Variants in SLC35F4 observed in about 807,000 individuals in gnomAD.
SLC35F4 encodes the protein chromosome 14 open reading frame 36.
A neutral mutation model predicts 44.2 loss-of-function variants in SLC35F4; 24 were observed. The ratio of observed to expected loss-of-function variants is 0.54; its 90% CI spans 0.39 to 0.76. The LOEUF (loss-of-function observed/expected upper bound fraction) is 0.76. Ranked by LOEUF, SLC35F4 falls within the 30% of genes least tolerant of loss-of-function variation. The pLI is 0.00. For synonymous variants in SLC35F4, 238 were observed against 223.6 expected (o/e 1.06, Z -0.57); for missense variants, 562 against 586.1 (o/e 0.96, Z 0.42).
chr14:57,745,748 G>A (rs1452565185), intron 1 of SLC35F4, among the ~76,000 whole-genome samples: 1 of 152,144 alleles, frequency 6.6e-6, no homozygotes, highest in African/African-American at 2.4e-5. Flanking sequence ...ATACCCAAAG[G>A]ATTATAAATC....
intron 1 of SLC35F4, among the ~76,000 whole-genome samples, chr14:57,900,728 G>A (rs912651596): frequency 1.3e-5 from 2 of 152,142 alleles, no homozygotes; most frequent in African/African-American, 2.4e-5. Flanking sequence ...TATCATCGGA[G>A]TGAACAGGAA....
intron 1 of SLC35F4, among the ~76,000 whole-genome samples, chr14:57,649,049 G>A (rs1447628039): frequency 6.6e-6 from 1 of 152,090 alleles, no homozygotes; most frequent in African/African-American, 2.4e-5. Context: ...TCTTTCAAGT[G>A]GCACTTAAGA....
intron 1 of SLC35F4, among the ~76,000 whole-genome samples, chr14:57,715,624 T>A (rs756601674): frequency 6.6e-6 from 1 of 152,174 alleles, no homozygotes; most frequent in Non-Finnish European, 1.5e-5. Context: ...GTTTTTGAAG[T>A]TAAGGTAGCC....
At chr14:57,871,037 C>T (rs950604051), upstream of SLC35F4, among the ~76,000 whole-genome samples, 1 of 152,146 alleles carries the variant, frequency 6.6e-6, no homozygotes, top group Non-Finnish European at 1.5e-5. Context: ...GCTGTTAATC[C>T]CCAGGTGTGG....
chr14:57,630,177 C>G (rs1340993252), intron 1 of SLC35F4: 2 of 561,676 alleles, frequency 3.6e-6, no homozygotes, highest in Non-Finnish European at 7.1e-6. Flanking sequence ...TCAGAAGACA[C>G]TAAATCAGAT....
intron 1 of SLC35F4, among the ~76,000 whole-genome samples, chr14:57,814,671 G>C (rs982746746): frequency 1.1e-4 from 17 of 152,170 alleles, no homozygotes; most frequent in African/African-American, 4.1e-4. Context: ...TGCAATGTGT[G>C]CCATTACTCT....
chr14:57,737,647 G>C (rs566223592), intron 1 of SLC35F4, among the ~76,000 whole-genome samples: 1 of 152,186 alleles, frequency 6.6e-6, no homozygotes, highest in East Asian at 1.9e-4. Context: ...CTCAGATTCT[G>C]ACATATCCTC....
chr14:57,599,283 G>A (rs1458632349), intron 1 of SLC35F4, among the ~76,000 whole-genome samples: 4 of 152,184 alleles, frequency 2.6e-5, no homozygotes, highest in Non-Finnish European at 4.4e-5. Context: ...AGGGCCATAG[G>A]GCAGTGGCTC....
At chr14:57,683,416 C>T (rs1277882681) in intron 1 of SLC35F4, among the ~76,000 whole-genome samples, 1 of 152,106 alleles carries the variant, frequency 6.6e-6, no homozygotes, top group Non-Finnish European at 1.5e-5. Flanking sequence ...TTAGCAACAT[C>T]TAAGAGCCAG....
chr14:57,749,702 C>A (rs971619711), intron 1 of SLC35F4, among the ~76,000 whole-genome samples: 5 of 152,134 alleles, frequency 3.3e-5, no homozygotes, highest in Admixed American at 6.5e-5. Flanking sequence ...GGGGACTTAT[C>A]AAGGTGTCCT....
chr14:57,617,200 G>A lies in SLC35F4; in HGVS notation c.104-23076C>T, dbSNP rs1215120873. Among the ~76,000 whole-genome samples the A allele has an allele frequency of 3.8e-5, 5 of 131,512 alleles. No homozygotes were observed. In the South Asian group the frequency reaches 7.4e-4, roughly 20 times the overall value. The allele number at this position is 131,512 out of a possible 152,430, so 86.3% of individuals were successfully genotyped here. A position where few individuals can be genotyped will look rare whatever the true frequency, so the allele number is the denominator to read the frequency against. ...GGCTGGAGTGCAGCGGTGTGATCTC[G>A]GCTCACTGCAACCTCCACCTCCCGG... On this transcript the variant is annotated intron_variant, in intron 1 of 7. Transcript: ENST00000556826.
Position 57,639,513 on chromosome 14 carries a change from TG to T in SLC35F4, c.104-45390del, listed in dbSNP as rs760510924. Among the ~76,000 whole-genome samples, 4 of 152,134 alleles carry T rather than the reference TG, an allele frequency of 2.6e-5. No individual in the cohort carries two copies. In the East Asian group the frequency reaches 7.7e-4, roughly 29 times the overall value. On this transcript the variant is annotated intron_variant, in intron 1 of 7. Transcript: ENST00000556826. The stretch of plus-strand genomic sequence containing the variant: ...TGGGTTTACCAAAACACAAGAGCCA[TG>T]GGCTCTGTATTCAACTGAAGGTCAT...
intron 1 of SLC35F4, among the ~76,000 whole-genome samples, chr14:57,668,112 G>A (rs916556909): frequency 2.7e-5 from 4 of 150,532 alleles, no homozygotes; most frequent in African/African-American, 7.4e-5. Context: ...TCATGTGTCT[G>A]TTGGCTGCAT....
chr14:57,896,881 G>A (rs750717413), intron 1 of SLC35F4, among the ~76,000 whole-genome samples: 11 of 151,060 alleles, frequency 7.3e-5, no homozygotes, highest in Non-Finnish European at 1.5e-4. Context: ...ATGGGATTTG[G>A]GAAATTCTTC....
chr14:57,684,298 C>T (rs1281384974), intron 1 of SLC35F4, among the ~76,000 whole-genome samples: 1 of 152,144 alleles, frequency 6.6e-6, no homozygotes, highest in African/African-American at 2.4e-5. Flanking sequence ...TTGCAGCCCC[C>T]ACCCTAGGCC....
At chr14:57,969,734 A>T (rs975558387) in intron 1 of SLC35F4, among the ~76,000 whole-genome samples, 1 of 152,190 alleles carries the variant, frequency 6.6e-6, no homozygotes, top group Non-Finnish European at 1.5e-5. Flanking sequence ...ATGGTCTCAG[A>T]TATGCTCATA....
At chr14:57,774,882 G>T (rs557174625) in intron 1 of SLC35F4, among the ~76,000 whole-genome samples, 1 of 152,122 alleles carries the variant, frequency 6.6e-6, no homozygotes, top group Non-Finnish European at 1.5e-5. Flanking sequence ...CTGCCAGCAC[G>T]TTTGTGCATG....
chr14:57,689,801 G>A (rs2075175068), intron 1 of SLC35F4, among the ~76,000 whole-genome samples: 1 of 151,820 alleles, frequency 6.6e-6, no homozygotes, highest in African/African-American at 2.4e-5. Context: ...ACGAGTTAAT[G>A]GGTGCGGCAC....
downstream of SLC35F4, among the ~76,000 whole-genome samples, chr14:57,974,408 C>T (rs564481595): frequency 6.6e-6 from 1 of 152,146 alleles, no homozygotes; most frequent in South Asian, 2.1e-4. Flanking sequence ...GTCATTAAAG[C>T]CAGCTCAGAT....
Sources: gnomAD v4.1 joint callset for allele counts (sites outside exome capture counted in the v4.1 genomes callset) on GRCh38, gnomAD v4.1.1 for gene constraint, MANE v1.5 for transcripts, NCBI Gene and HGNC (gene_info 2026-07-23, HGNC 2026-07-21) for gene names.